The following ARHGAP35 variants were observed in gnomAD, a reference collection of about 807,000 sequenced individuals.
ARHGAP35 encodes the protein Rho GTPase activating protein 35.
Under a neutral mutation model 111.1 loss-of-function variants are expected in ARHGAP35, and 15 were observed. The observed-to-expected ratio is 0.13, with a 90% CI of 0.09 to 0.21. ARHGAP35 has a LOEUF of 0.21. Ranked by LOEUF, ARHGAP35 falls within the 10% of genes least tolerant of loss-of-function variation. The pLI, the probability that ARHGAP35 is intolerant of heterozygous loss-of-function variation, is 1.00. For synonymous variants in ARHGAP35, 643 were observed against 710.3 expected (o/e 0.91, Z 1.51); for missense variants, 1,262 against 1,873.0 (o/e 0.67, Z 6.02).
chr19:46,969,215 T>C (rs1472735445), intron 3 of ARHGAP35, among the ~76,000 whole-genome samples: 1 of 152,226 alleles, frequency 6.6e-6, no homozygotes, highest in Non-Finnish European at 1.5e-5. Context: ...GTGATACTTG[T>C]GCAACTCTGA....
At chr19:46,987,120 C>G (rs1183547541) in intron 3 of ARHGAP35, among the ~76,000 whole-genome samples, 1 of 151,740 alleles carries the variant, frequency 6.6e-6, no homozygotes, top group African/African-American at 2.4e-5. Flanking sequence ...GAGCCAAGTG[C>G]TGGGATTACA....
intron 3 of ARHGAP35, among the ~76,000 whole-genome samples, chr19:46,959,661 A>G (rs566387296): frequency 5.9e-5 from 9 of 152,040 alleles, no homozygotes; most frequent in African/African-American, 1.4e-4. Flanking sequence ...CAGCCTCCCA[A>G]AGTGCTGGGA....
rs1333344445 is a variant in ARHGAP35, at chr19:46,908,116, A to G, written c.-188-10372A>G. 6.6e-6 allele frequency among the ~76,000 whole-genome samples: 1 copy of G among 151,942 alleles called. No individual in the cohort carries two copies. Among genetic ancestry groups the G allele is most frequent in the Non-Finnish European group, 1.5e-5 (1 of 68,004 alleles). ...GCACATTTGGCTGGACGCAGCCTCC[A>G]CTCTTCTTGCGTCAGGGACATTTAT... is the stretch of plus-strand genomic sequence containing the variant. On this transcript the variant is annotated intron_variant, in intron 1 of 6. Transcript: ENST00000672722. This position sits in a 1 kb window ranked among gnomAD's most constrained non-coding sequence, Gnocchi z 4.2.
At chr19:46,889,482 A>G (rs572208781) in intron 1 of ARHGAP35, among the ~76,000 whole-genome samples, 1 of 152,116 alleles carries the variant, frequency 6.6e-6, no homozygotes, top group African/African-American at 2.4e-5. Flanking sequence ...AAAGACAAAG[A>G]ACCGTTCTTT....
intron 2 of ARHGAP35, among the ~76,000 whole-genome samples, chr19:46,931,863 G>A (rs1440061826): frequency 6.6e-6 from 1 of 152,134 alleles, no homozygotes; most frequent in Non-Finnish European, 1.5e-5. Context: ...ACTGTAAAAT[G>A]GGTCTAAATA....
intron 3 of ARHGAP35, among the ~76,000 whole-genome samples, chr19:46,972,101 C>T (rs1030550325): frequency 1.3e-5 from 2 of 152,228 alleles, no homozygotes; most frequent in African/African-American, 4.8e-5. Flanking sequence ...CCTCCGCCTC[C>T]CGGGTTCAAG....
chr19:46,921,993 C>G lies in ARHGAP35; in HGVS notation c.3318C>G (p.Ser1106=). The G allele has an allele frequency of 6.2e-7, 1 of 1,613,956 alleles. No homozygotes were observed. Among genetic ancestry groups the G allele is most frequent in the African/African-American group, 1.3e-5 (1 of 75,016 alleles). The change falls in exon 2 of 7, where the codon TCC becomes TCG. Residue 1106 remains serine (S), a synonymous_variant. Transcript: ENST00000672722. The surrounding 1 kb of genome is among the most constrained non-coding windows in gnomAD (Gnocchi z 4.3). ...GGAATGAAGAAGAAAACATATACTC[C>G]GTGCCCCATGACAGCACCCAAGGCA... is the stretch of plus-strand genomic sequence containing the variant. ...KPRNEEENIY[S]VPHDSTQGKI... is the part of the protein sequence containing the mutation.
intron 1 of ARHGAP35, among the ~76,000 whole-genome samples, chr19:46,912,295 C>T (rs1165433086): frequency 1.3e-5 from 2 of 151,812 alleles, no homozygotes. Context: ...CCACCTGCCT[C>T]GGCCTCCCAA....
chr19:46,995,233 G>A lies in ARHGAP35; in HGVS notation c.4037-4071G>A, dbSNP rs552154568. Among the ~76,000 whole-genome samples the A allele has an allele frequency of 3.9e-5, 6 of 152,250 alleles. No homozygotes were observed. In the East Asian group the frequency reaches 5.8e-4, roughly 15 times the overall value. On this transcript the variant is annotated intron_variant, in intron 5 of 6. Transcript: ENST00000672722. ...AGTTCGAGACCAGCCTGACCAACAC[G>A]GTGAAACCCCGTCTCTACTAAAAAT... is the stretch of plus-strand genomic sequence containing the variant.
rs1219716923 is a variant in ARHGAP35, at chr19:47,002,387, G to A, written c.*1699G>A. 6.6e-6 allele frequency: 1 copy of A among 152,610 alleles called. No individual in the cohort carries two copies. Among genetic ancestry groups the A allele is most frequent in the African/African-American group, 2.4e-5 (1 of 41,472 alleles). The allele number at this position is 152,610 out of a possible 1,614,324, so 9.5% of individuals were successfully genotyped here. A position where few individuals can be genotyped will look rare whatever the true frequency, so the allele number is the denominator to read the frequency against. On this transcript the variant is annotated 3_prime_UTR_variant, in exon 7 of 7. Coordinates refer to ENST00000672722, the MANE Select transcript of ARHGAP35 (RefSeq NM_004491.5). ...CTCCAGTTCTCAATGGCCAACGAAGGTGCTTGGAAACACCTAACCTTGCAA... is the reference window on the plus strand; with the variant it reads ...CTCCAGTTCTCAATGGCCAACGAAGATGCTTGGAAACACCTAACCTTGCAA...
chr19:46,900,581 A>G (rs946387263), intron 1 of ARHGAP35, among the ~76,000 whole-genome samples: 2 of 152,254 alleles, frequency 1.3e-5, no homozygotes, highest in East Asian at 3.9e-4. Context: ...ACTTGAGGTA[A>G]TACTTAAATT....
At chr19:46,891,765 G>GT (rs1248660474) in intron 1 of ARHGAP35, among the ~76,000 whole-genome samples, 1 of 152,032 alleles carries the variant, frequency 6.6e-6, no homozygotes, top group Non-Finnish European at 1.5e-5. Flanking sequence ...AATTTTTTGT[G>GT]TAAGTCCATT....
At position 46,994,711 on chromosome 19, in the gene ARHGAP35, C is replaced by T. The variant is rs986913414; in HGVS notation, c.4037-4593C>T. 2.0e-5 allele frequency among the ~76,000 whole-genome samples: 3 copies of T among 152,144 alleles called. No homozygotes were observed. The highest frequency in any genetic ancestry group is 2.9e-5 in the Non-Finnish European group (2 of 68,022). ...GTCCTTTCCCCTCTTTCCACTAGAC[C>T]GTAAGCGGCAGGGAATTTGGTTTTT... is the stretch of plus-strand genomic sequence containing the variant. On this transcript the variant is annotated intron_variant, in intron 5 of 6. Transcript: ENST00000672722. This position sits in a 1 kb window ranked among gnomAD's most constrained non-coding sequence, Gnocchi z 5.4.
chr19:46,963,906 C>A (rs562656281), intron 3 of ARHGAP35, among the ~76,000 whole-genome samples: 1 of 152,210 alleles, frequency 6.6e-6, no homozygotes, highest in South Asian at 2.1e-4. Flanking sequence ...CTTGCTCTGT[C>A]ACCCAGGCTG....
At chr19:46,937,558 A>T (rs2056316744) in intron 3 of ARHGAP35, 150 bp downstream of exon 3, 7 of 871,630 alleles carry the variant, frequency 8.0e-6, no homozygotes, top group Non-Finnish European at 8.8e-6. Flanking sequence ...CAGTTGTCAG[A>T]TGTGTAGATT....
intron 3 of ARHGAP35, among the ~76,000 whole-genome samples, chr19:46,974,884 TG>T (rs2056571276): frequency 6.6e-6 from 1 of 151,922 alleles, no homozygotes; most frequent in Non-Finnish European, 1.5e-5. Flanking sequence ...GGGGCTTGTT[TG>T]TTCTGAGACG....
In ARHGAP35 at chr19:47,002,410, C is replaced by T. The variant is rs906305997; in HGVS notation, c.*1722C>T. ...AGGTGCTTGGAAACACCTAACCTTG[C>T]AAGTTTTACCGCCTTTTGAGGAACA... On this transcript the variant is annotated 3_prime_UTR_variant, in exon 7 of 7. Transcript: ENST00000672722. 1 of 152,510 alleles carries T rather than the reference C, an allele frequency of 6.6e-6. No homozygotes were observed. The highest frequency in any genetic ancestry group is 6.5e-5 in the Admixed American group (1 of 15,292). 9.4% of individuals were successfully genotyped at this position (152,510 alleles called of 1,614,324 possible).
At chr19:46,952,189 G>C (rs1599842914) in intron 3 of ARHGAP35, among the ~76,000 whole-genome samples, 1 of 151,846 alleles carries the variant, frequency 6.6e-6, no homozygotes, top group East Asian at 1.9e-4. Flanking sequence ...CCTGTAAATA[G>C]GTATAATTAT....
chr19:46,871,750 A>G, intron 1 of ARHGAP35, among the ~76,000 whole-genome samples: 1 of 151,796 alleles, frequency 6.6e-6, no homozygotes, highest in East Asian at 2.0e-4. Context: ...AGGCCTAGGC[A>G]GGCGGATCAC....
Sources: allele counts gnomAD v4.1 joint callset (sites outside exome capture counted in the v4.1 genomes callset), GRCh38; gene constraint gnomAD v4.1.1; non-coding constraint Gnocchi (gnomAD v3.1); transcripts MANE v1.5; gene names NCBI Gene and HGNC (gene_info 2026-07-23, HGNC 2026-07-21).